Variants in ADSS2 observed in about 807,000 individuals in gnomAD.
ADSS2 encodes adenylosuccinate synthase 2, also known as adenylosuccinate synthetase isozyme 2.
Under a neutral mutation model 60.0 loss-of-function variants are expected in ADSS2, and 30 were observed. That is an observed-to-expected ratio of 0.50 (90% confidence interval 0.37 to 0.68). The LOEUF (loss-of-function observed/expected upper bound fraction) is 0.68, where lower values mean the gene tolerates loss of function less well. ADSS2 is among the 30% of genes least tolerant of loss of function. The pLI is 0.00. For synonymous variants in ADSS2, 187 were observed against 193.1 expected, an observed-to-expected ratio of 0.97 and a Z score of 0.26; for missense variants, 373 against 554.8, an observed-to-expected ratio of 0.67 and a Z score of 3.29.
intron 4 of ADSS2, chr1:244,424,752 C>T (rs1471177293): frequency 5.0e-6 from 1 of 198,630 alleles, no homozygotes; most frequent in African/African-American, 2.4e-5. Context: ...CTTTTCCTCA[C>T]TAGTCTCGAG....
At position 244,417,833 on chromosome 1, in the gene ADSS2, G is replaced by A. The variant is rs578179581; in HGVS notation, c.946-81C>T. The A allele has an allele frequency of 1.2e-5, 16 of 1,317,744 alleles. No individual in the cohort carries two copies. In the South Asian group the frequency reaches 2.2e-4, roughly 18 times the overall value. 81.6% of individuals were successfully genotyped at this position (1,317,744 alleles called of 1,614,324 possible). A position where few individuals can be genotyped will look rare whatever the true frequency, so the allele number is the denominator to read the frequency against. ...GGAATAATATATGCTAGAGATCATAGCAAAGCCTCTTTGAGATAAACATCT... is the reference window on the plus strand; with the variant it reads ...GGAATAATATATGCTAGAGATCATAACAAAGCCTCTTTGAGATAAACATCT... On this transcript the variant is annotated intron_variant, in intron 9 of 12. Coordinates refer to ENST00000366535, the MANE Select transcript of ADSS2 (RefSeq NM_001126.5).
At chr1:244,409,733 T>C (rs1664370365) in intron 12 of ADSS2, 95 bp from the exon 13 acceptor site, 1 of 943,808 alleles carries the variant, frequency 1.1e-6, no homozygotes, top group South Asian at 1.5e-5. Context: ...TTTCTCAGTA[T>C]CACCATAACT....
In ADSS2 at chr1:244,409,438, G is replaced by A; in HGVS notation, c.*148C>T. The A allele has an allele frequency of 1.7e-6, 1 of 595,580 alleles. No individual in the cohort carries two copies. The highest frequency in any genetic ancestry group is 3.0e-6 in the Non-Finnish European group (1 of 337,672). The allele number at this position is 595,580 out of a possible 1,614,324, so 36.9% of individuals were successfully genotyped here. A position where few individuals can be genotyped will look rare whatever the true frequency, so the allele number is the denominator to read the frequency against. On this transcript the variant is annotated 3_prime_UTR_variant, in exon 13 of 13. Transcript: ENST00000366535. ...ATGCCAAAGTTAATCTCCACAGTAG[G>A]CATCCATCTGAAAAGACTGGAAACA...
In ADSS2 at chr1:244,417,706, G is replaced by T; in HGVS notation, c.992C>A (p.Thr331Asn). ...LQTRGREFGV[T>N]TGRKRRCGWL... ...GCCACATCTTCTTTTCCTTCCAGTA[G>T]TTACACCAAACTCTCTACCCCTTGT... The change falls in exon 10 of 13, where the codon ACT becomes AAT. Residue 331 changes from threonine to asparagine, a missense_variant. This residue lies in a region of ADSS2 where 130 missense variants were observed against 169.4 expected (regional missense o/e 0.77). Coordinates refer to ENST00000366535, the MANE Select transcript of ADSS2 (RefSeq NM_001126.5). 1 of 1,613,206 alleles carries T rather than the reference G, an allele frequency of 6.2e-7. No homozygotes were observed. The highest frequency in any genetic ancestry group is 8.5e-7 in the Non-Finnish European group (1 of 1,179,598).
chr1:244,441,397 C>T (rs2148012024), intron 1 of ADSS2, among the ~76,000 whole-genome samples: 1 of 152,230 alleles, frequency 6.6e-6, no homozygotes, highest in South Asian at 2.1e-4. Flanking sequence ...ATAATTCTTA[C>T]CTGTATTTCA....
intron 8 of ADSS2, among the ~76,000 whole-genome samples, chr1:244,419,910 C>G (rs1664637494): frequency 6.6e-6 from 1 of 152,048 alleles, no homozygotes; most frequent in Non-Finnish European, 1.5e-5. Flanking sequence ...CAACGAAAAC[C>G]ACAATTTACA....
intron 8 of ADSS2, 91 bp from the exon 9 acceptor site, chr1:244,419,005 A>G: frequency 8.3e-7 from 1 of 1,199,202 alleles, no homozygotes. Context: ...ATTTGAGTAT[A>G]TTATAGGTAT....
Position 244,451,195 on chromosome 1 carries a change from G to A in ADSS2, c.183+440C>T, listed in dbSNP as rs3127466. Among the ~76,000 whole-genome samples, 32,002 of 151,886 alleles carry A rather than the reference G, an allele frequency of 0.21. 3,819 individuals carry two copies. The highest frequency in any genetic ancestry group is 0.3 in the Middle Eastern group (88 of 294). The stretch of plus-strand genomic sequence containing the variant: ...CCCACTCCGCCGCCCTGGGCGGGGC[G>A]GGGGGGCGGTGATGGGGGGTTCTGC... On this transcript the variant is annotated intron_variant, in intron 1 of 12. Transcript: ENST00000366535. The surrounding 1 kb of genome is among the most constrained non-coding windows in gnomAD (Gnocchi z 6.6).
intron 1 of ADSS2, among the ~76,000 whole-genome samples, chr1:244,444,514 C>CAA (rs56001597): frequency 2.5e-3 from 105 of 42,434 alleles, no homozygotes; most frequent in Middle Eastern, 0.019. Context: ...GACTCCATCT[C>CAA]AAAAAAAAAA....
Position 244,424,327 on chromosome 1 carries a change from C to T in ADSS2, c.467G>A (p.Gly156Glu), listed in dbSNP as rs922941839. Residue 156 changes from glycine to glutamate, a missense_variant, in exon 5 of 13, where the codon GGA (glycine) becomes GAA (glutamate). Physicochemically the swap from Gly to Glu is moderately conservative, Grantham distance 98 (BLOSUM62 -2). Around this residue, in one of 5 missense-constraint regions of ADSS2, gnomAD observed 139 missense variants for 189.4 expected, o/e 0.73. Transcript: ENST00000366535. ...IQEQQRQEQA[G>E]KNLGTTKKGI... ...AACAAAAACCCACACATACTTTTTT[C>T]CTGCTTGTTCTTGTCTCTGTTGTTC... 3.7e-6 allele frequency: 6 copies of T among 1,612,204 alleles called. No homozygotes were observed. The highest frequency in any genetic ancestry group is 5.1e-6 in the Non-Finnish European group (6 of 1,179,154).
intron 1 of ADSS2, among the ~76,000 whole-genome samples, chr1:244,439,777 C>T (rs537544763): frequency 4.6e-5 from 7 of 152,118 alleles, no homozygotes; most frequent in Non-Finnish European, 7.3e-5. Flanking sequence ...TTTAGGACCC[C>T]AGAGCACTTT....
At chr1:244,435,188 A>AAAAAAAAAC (rs1665061768) in intron 3 of ADSS2, among the ~76,000 whole-genome samples, 1 of 150,066 alleles carries the variant, frequency 6.7e-6, no homozygotes, top group East Asian at 2.0e-4. Context: ...AAAAAAAAAA[A>AAAAAAAAAC]AAAAAAAAAC....
intron 7 of ADSS2, among the ~76,000 whole-genome samples, chr1:244,420,811 G>A (rs1322755917): frequency 5.3e-5 from 8 of 152,082 alleles, no homozygotes; most frequent in Non-Finnish European, 8.8e-5. Context: ...AGGCTCAAGC[G>A]ATCCTCCCAC....
At chr1:244,414,493 C>T in intron 11 of ADSS2, among the ~76,000 whole-genome samples, 1 of 152,154 alleles carries the variant, frequency 6.6e-6, no homozygotes, top group Admixed American at 6.5e-5. Flanking sequence ...CATTCCTTGC[C>T]TGCTGGCTTT....
intron 1 of ADSS2, among the ~76,000 whole-genome samples, chr1:244,448,094 A>G (rs1665439873): frequency 6.6e-6 from 1 of 152,208 alleles, no homozygotes; most frequent in South Asian, 2.1e-4. Context: ...GGAAATAGCA[A>G]TTGTTATAAA....
Position 244,418,680 on chromosome 1 carries a change from C to A in ADSS2, c.945+80G>T, listed in dbSNP as rs1010085198. The A allele has an allele frequency of 1.3e-5, 18 of 1,379,322 alleles. No homozygotes were observed. In the African/African-American group the frequency reaches 2.1e-4, roughly 16 times the overall value. The allele number at this position is 1,379,322 out of a possible 1,614,324, so 85.4% of individuals were successfully genotyped here. A position where few individuals can be genotyped will look rare whatever the true frequency, so the allele number is the denominator to read the frequency against. On this transcript the variant is annotated intron_variant, in intron 9 of 12. Coordinates refer to ENST00000366535, the MANE Select transcript of ADSS2 (RefSeq NM_001126.5). ...AATCTTGCAAATTAAGTGAAAGGCACAGGAGACAATAATTCATTAAGAAAA... is the reference window on the plus strand; with the variant it reads ...AATCTTGCAAATTAAGTGAAAGGCAAAGGAGACAATAATTCATTAAGAAAA...
chr1:244,437,825 T>C, intron 1 of ADSS2, 57 bp from the exon 2 acceptor site: 1 of 1,290,850 alleles, frequency 7.7e-7, no homozygotes, highest in Non-Finnish European at 1.1e-6. Flanking sequence ...AAATAACCTA[T>C]CTCCCTCCAA....
intron 2 of ADSS2, 88 bp from the exon 3 acceptor site, chr1:244,436,981 A>G: frequency 9.2e-7 from 1 of 1,088,904 alleles, no homozygotes; most frequent in Non-Finnish European, 1.4e-6. Context: ...CCACGGTGTT[A>G]CCACAGAAAT....
At chr1:244,446,599 C>T (rs536674835) in intron 1 of ADSS2, among the ~76,000 whole-genome samples, 1 of 152,284 alleles carries the variant, frequency 6.6e-6, no homozygotes, top group Non-Finnish European at 1.5e-5. Flanking sequence ...TTAGACCTAA[C>T]ATTACTATTA....
Sources: allele counts gnomAD v4.1 joint callset (sites outside exome capture counted in the v4.1 genomes callset), GRCh38; gene constraint gnomAD v4.1.1; regional missense constraint gnomAD v4.1.1; non-coding constraint Gnocchi (gnomAD v3.1); transcripts MANE v1.5; gene names NCBI Gene and HGNC (gene_info 2026-07-23, HGNC 2026-07-21).